COG4: variants seen among roughly 807,000 people sequenced by gnomAD.
The protein encoded by COG4 is conserved oligomeric Golgi complex subunit 4.
In COG4, 65 loss-of-function variants were observed where a neutral mutation model predicts 95.1. The ratio of observed to expected loss-of-function variants is 0.68; its 90% CI spans 0.56 to 0.84. The LOEUF is 0.84. Ranked by LOEUF, COG4 falls within the 40% of genes least tolerant of loss-of-function variation. COG4 has a pLI of 0.00. For missense variants in COG4, 1,045 were observed against 989.1 expected (o/e 1.06, Z -0.76); for synonymous variants, 421 against 374.8 (o/e 1.12, Z -1.42).
At chr16:70,489,582 G>A (rs1597660845) in intron 13 of COG4, among the ~76,000 whole-genome samples, 1 of 138,460 alleles carries the variant, frequency 7.2e-6, no homozygotes, top group Non-Finnish European at 1.6e-5. Flanking sequence ...TCACCACATT[G>A]CCCAGGCTGG....
chr16:70,498,093 C>T lies in COG4; in HGVS notation c.1196-38G>A, dbSNP rs778975035. The T allele has an allele frequency of 4.4e-6, 6 of 1,374,276 alleles. No homozygotes were observed. The African/African-American group carries it at 5.7e-5, about 13-fold the overall frequency. The allele number at this position is 1,374,276 out of a possible 1,614,324, so 85.1% of individuals were successfully genotyped here. A position where few individuals can be genotyped will look rare whatever the true frequency, so the allele number is the denominator to read the frequency against. On this transcript the variant is annotated intron_variant, in intron 9 of 18. Coordinates refer to ENST00000323786, the MANE Select transcript of COG4 (RefSeq NM_015386.3). Reference sequence around the variant, plus strand: ...CAAGAAAGGAATACTCATTTTTTTTCCCCAAGGGAAACAGAGCAACTTTTT... The same window carrying T: ...CAAGAAAGGAATACTCATTTTTTTTTCCCAAGGGAAACAGAGCAACTTTTT...
rs140971621 is a variant in COG4 at position 70,481,851 on chromosome 16, C to T, written c.2019G>A (p.Pro673=). The T allele has an allele frequency of 3.1e-5, 50 of 1,613,540 alleles. No individual in the cohort carries two copies. The highest frequency in any genetic ancestry group is 5.0e-5 in the Admixed American group (3 of 59,960). The change falls in exon 17 of 19, where the codon CCG becomes CCA. Residue 673 remains proline (P), a synonymous_variant. Coordinates refer to ENST00000323786, the MANE Select transcript of COG4 (RefSeq NM_015386.3). ...GGCCGGTTAGGCTGTCGTAGATGAC[C>T]GGGGACAGGCTGGCCTGCACACAGA... ...QMAEFKASLS[P]VIYDSLTGLM...
chr16:70,490,479 C>A, intron 12 of COG4, 87 bp from the exon 13 acceptor site: 1 of 1,101,752 alleles, frequency 9.1e-7, no homozygotes, highest in South Asian at 1.2e-5. Flanking sequence ...AGCTGTGCTC[C>A]ATGAAGCTCA....
At chr16:70,490,440 C>A in intron 12 of COG4, 48 bp from the exon 13 acceptor site, 3 of 1,482,580 alleles carry the variant, frequency 2.0e-6, no homozygotes, top group Middle Eastern at 3.4e-4. Flanking sequence ...ACTGTGCCTG[C>A]CACCCACTCC....
intron 8 of COG4, among the ~76,000 whole-genome samples, chr16:70,506,624 A>AAC (rs2049581144): frequency 4.6e-5 from 6 of 129,224 alleles, no homozygotes; most frequent in African/African-American, 2.0e-4. Flanking sequence ...AAAACAAAAA[A>AAC]AAAAACATTT....
chr16:70,482,456 G>A (rs2049018440), intron 15 of COG4: 6 of 605,332 alleles, frequency 9.9e-6, no homozygotes, highest in South Asian at 9.9e-5. Flanking sequence ...TACGCCAGGA[G>A]GAAAAAAACG....
Position 70,499,763 on chromosome 16 carries a change from C to T in COG4, c.1195+1195G>A, listed in dbSNP as rs540550570. 1.4e-4 allele frequency among the ~76,000 whole-genome samples: 21 copies of T among 152,168 alleles called. No homozygotes were observed. The South Asian group carries it at 4.4e-3, about 32-fold the overall frequency. Reference sequence around the variant, plus strand: ...CAAGCTCCGCCTCCCGGGTTCACGCCATTCTCCTGCCTCAGCCTCCAGAGT... The same window carrying T: ...CAAGCTCCGCCTCCCGGGTTCACGCTATTCTCCTGCCTCAGCCTCCAGAGT... On this transcript the variant is annotated intron_variant, in intron 9 of 18. Coordinates refer to ENST00000323786, the MANE Select transcript of COG4 (RefSeq NM_015386.3).
At chr16:70,512,632 G>A (rs971512490) in intron 4 of COG4, among the ~76,000 whole-genome samples, 200 bp from the exon 5 acceptor site, 1 of 152,180 alleles carries the variant, frequency 6.6e-6, no homozygotes, top group African/African-American at 2.4e-5. Flanking sequence ...AGGTAGAAGA[G>A]ATAGTTTGTG....
At chr16:70,482,682 G>A in intron 15 of COG4, 47 bp downstream of exon 15, 2 of 1,480,938 alleles carry the variant, frequency 1.4e-6, no homozygotes, top group South Asian at 1.1e-5. Flanking sequence ...CTGGGGCTAG[G>A]GATGAGGGGT....
intron 2 of COG4, among the ~76,000 whole-genome samples, chr16:70,518,333 T>C (rs1446358979): frequency 1.3e-5 from 2 of 152,122 alleles, no homozygotes; most frequent in African/African-American, 4.8e-5. Flanking sequence ...ACCAGTACCA[T>C]GTGAGAGGAT....
At chr16:70,515,901 T>C in intron 3 of COG4, 1 of 421,302 alleles carries the variant, frequency 2.4e-6, no homozygotes, top group South Asian at 1.7e-5. Context: ...ACTTCTGGCC[T>C]CAAGAGATCC....
At chr16:70,508,839 G>T (rs115269262) in intron 7 of COG4, 9 of 536,216 alleles carry the variant, frequency 1.7e-5, no homozygotes, top group South Asian at 1.4e-4. Flanking sequence ...AAAAGCAAAC[G>T]TTATCTTTAA....
At chr16:70,522,744 A>T (rs2049975990) in intron 1 of COG4, among the ~76,000 whole-genome samples, 1 of 152,194 alleles carries the variant, frequency 6.6e-6, no homozygotes, top group Admixed American at 6.6e-5. Flanking sequence ...CAGGAAATAG[A>T]ACGTTATGAA....
At chr16:70,512,200 A>G in intron 5 of COG4, 39 bp downstream of exon 5, 1 of 1,591,898 alleles carries the variant, frequency 6.3e-7, no homozygotes, top group Non-Finnish European at 8.6e-7. Context: ...GCAGGCAGAC[A>G]GCCACACAAT....
chr16:70,511,661 G>C (rs551518951), intron 5 of COG4, among the ~76,000 whole-genome samples: 6 of 151,780 alleles, frequency 4.0e-5, no homozygotes, highest in Non-Finnish European at 5.9e-5. Flanking sequence ...GACTGGGCGT[G>C]GTGGCTCACA....
At position 70,500,982 on chromosome 16, in the gene COG4, T is replaced by C. The variant is rs779741656; in HGVS notation, c.1171A>G (p.Met391Val). ...CCTTGCTTTACTTCCTCTGAGGCCATGGAGTCTCCCACCTCAAAATCAGAG... is the reference window on the plus strand; with the variant it reads ...CCTTGCTTTACTTCCTCTGAGGCCACGGAGTCTCCCACCTCAAAATCAGAG... ...ISSDFEVGDS[M>V]ASEEVKQEHQ... The change falls in exon 9 of 19, where the codon ATG becomes GTG. Residue 391 changes from methionine to valine, a missense_variant. Physicochemically the swap from Met to Val is conservative, Grantham distance 21. Coordinates refer to ENST00000323786, the MANE Select transcript of COG4 (RefSeq NM_015386.3). 1.2e-6 allele frequency: 2 copies of C among 1,614,168 alleles called. No individual in the cohort carries two copies. Among genetic ancestry groups the C allele is most frequent in the East Asian group, 4.5e-5 (2 of 44,890 alleles).
chr16:70,516,040 T>G (rs1410262890), intron 3 of COG4: 3 of 455,924 alleles, frequency 6.6e-6, no homozygotes, highest in Non-Finnish European at 1.3e-5. Context: ...GTTGAGTGTT[T>G]CTACCACGAA....
Position 70,512,264 on chromosome 16 carries a change from T to C in COG4, c.713A>G (p.Lys238Arg), listed in dbSNP as rs755770510. The C allele has an allele frequency of 7.4e-6, 12 of 1,614,076 alleles. No individual in the cohort carries two copies. The Admixed American group carries it at 1.8e-4, about 25-fold the overall frequency. ...CTGCTTGCAAAGGTACTCCGAGAAC[T>C]TTCTTAATCCCTCCTCATGCAAACC... is the stretch of plus-strand genomic sequence containing the variant. Reference protein sequence around the residue: ...LLGLHEEGLRKFSEYLCKQVA... With the variant: ...LLGLHEEGLRRFSEYLCKQVA... The change falls in exon 5 of 19, where the codon AAG becomes AGG. Residue 238 changes from lysine (K) to arginine (R), a missense_variant. By Grantham distance (26) the Lys-to-Arg change is conservative (BLOSUM62 2). Coordinates refer to ENST00000323786, the MANE Select transcript of COG4 (RefSeq NM_015386.3).
chr16:70,513,771 A>C (rs1354750069), intron 4 of COG4, among the ~76,000 whole-genome samples: 1 of 152,216 alleles, frequency 6.6e-6, no homozygotes, highest in Non-Finnish European at 1.5e-5. Flanking sequence ...TTTCCTTAAT[A>C]TTTTTGGACT....
Sources: gnomAD v4.1 joint callset for allele counts (sites outside exome capture counted in the v4.1 genomes callset) on GRCh38, gnomAD v4.1.1 for gene constraint, MANE v1.5 for transcripts, NCBI Gene and HGNC (gene_info 2026-07-23, HGNC 2026-07-21) for gene names.